The following SCUBE2 variants were observed in gnomAD, a reference collection of about 807,000 sequenced individuals.
The protein encoded by SCUBE2 is signal peptide, CUB domain and EGF like domain containing 2.
SCUBE2 carries 114 observed loss-of-function variants against 125.9 expected under a neutral mutation model. The observed-to-expected ratio is 0.91, with a 90% CI of 0.78 to 1.06. SCUBE2 has a LOEUF of 1.06. Ranked by LOEUF, SCUBE2 falls within the 50% of genes least tolerant of loss-of-function variation. The pLI is 0.00. For missense variants in SCUBE2, 1,255 were observed against 1,301.8 expected (o/e 0.96, Z 0.55); for synonymous variants, 459 against 492.9 (o/e 0.93, Z 0.91).
rs368975775 is a variant in SCUBE2 at position 9,089,789 on chromosome 11, G to A, written c.174C>T (p.Ala58=). Residue 58 remains alanine (A), a synonymous_variant, in exon 2 of 23, where the codon GCC becomes GCT. Coordinates refer to ENST00000649792, the MANE Select transcript of SCUBE2 (RefSeq NM_001367977.2). ...TGGGTGTGTTCTGACACAGGGCGTC[G>A]GCATGGCAGTCATCTAGCCCTTGGG... The part of the protein sequence containing the change: ...ECAQGLDDCH[A]DALCQNTPTS... 1.0e-4 allele frequency: 168 copies of A among 1,613,748 alleles called. 1 individual carries two copies. In the Middle Eastern group the frequency reaches 1.3e-3, roughly 13 times the overall value.
intron 7 of SCUBE2, 140 bp downstream of exon 7, chr11:9,065,750 CA>C (rs1860156077): frequency 1.5e-6 from 1 of 674,202 alleles, no homozygotes. Flanking sequence ...AGAACAGACA[CA>C]CACCCTGGTT....
At chr11:9,078,999 G>T (rs765105054) in intron 3 of SCUBE2, among the ~76,000 whole-genome samples, 1 of 152,106 alleles carries the variant, frequency 6.6e-6, no homozygotes, top group African/African-American at 2.4e-5. Flanking sequence ...TGTAACCCCA[G>T]CACACATTTG....
At chr11:9,087,823 C>A (rs1032758521) in intron 2 of SCUBE2, among the ~76,000 whole-genome samples, 10 of 152,298 alleles carry the variant, frequency 6.6e-5, no homozygotes, top group African/African-American at 2.4e-4. Flanking sequence ...TATGCTAAGA[C>A]AAGGAGATGG....
At chr11:9,027,166 C>T in intron 20 of SCUBE2, 198 bp downstream of exon 20, 1 of 598,850 alleles carries the variant, frequency 1.7e-6, no homozygotes, top group African/African-American at 1.9e-5. Context: ...GGATCACTAC[C>T]TCTGGGGCCC....
At chr11:9,055,034 T>C (rs1858942783) in intron 10 of SCUBE2, among the ~76,000 whole-genome samples, 1 of 152,080 alleles carries the variant, frequency 6.6e-6, no homozygotes, top group African/African-American at 2.4e-5. Flanking sequence ...ACGCCCAGCA[T>C]ATCCAATCTT....
intron 20 of SCUBE2, chr11:9,026,413 C>T (rs867781550): frequency 2.5e-4 from 37 of 148,148 alleles, no homozygotes; most frequent in African/African-American, 9.6e-4. Flanking sequence ...CTCCATGTGT[C>T]ATCATCATTC....
chr11:9,073,681 A>C (rs970542477), intron 4 of SCUBE2, among the ~76,000 whole-genome samples: 5 of 152,220 alleles, frequency 3.3e-5, no homozygotes, highest in African/African-American at 1.2e-4. Context: ...AAAAATAGGC[A>C]GATGCAACTC....
At chr11:9,048,859 C>T (rs1858060898) in intron 14 of SCUBE2, among the ~76,000 whole-genome samples, 1 of 152,172 alleles carries the variant, frequency 6.6e-6, no homozygotes. Context: ...TGAAGTATTG[C>T]CTGTATCAGA....
At chr11:9,050,931 G>A (rs952381911) in intron 13 of SCUBE2, among the ~76,000 whole-genome samples, 11 of 152,194 alleles carry the variant, frequency 7.2e-5, no homozygotes, top group Non-Finnish European at 1.2e-4. Context: ...CCCCTCATGT[G>A]AGAGGCAAAT....
rs1196349243 is a variant in SCUBE2, at chr11:9,045,602, GACAGACAGACACACACACACAC to G, written c.2002+1732_2002+1753del. Among the ~76,000 whole-genome samples the G allele has an allele frequency of 5.8e-4, 44 of 75,466 alleles. 2 individuals carry two copies. The East Asian group carries it at 7.3e-3, about 12-fold the overall frequency. 49.5% of individuals were successfully genotyped at this position (75,466 alleles called of 152,430 possible). On this transcript the variant is annotated intron_variant, in intron 16 of 22. Coordinates refer to ENST00000649792, the MANE Select transcript of SCUBE2 (RefSeq NM_001367977.2). ...TCAAATAGACCAGGACTAGAAGACA[GACAGACAGACACACACACACAC>G]ACACACACACACACACACACACACA...
chr11:9,054,725 A>ATTTTTTTTTT (rs1174774188), intron 10 of SCUBE2, among the ~76,000 whole-genome samples: 6 of 22,348 alleles, frequency 2.7e-4, no homozygotes, highest in East Asian at 3.2e-3. Context: ...ATATATATAT[A>ATTTTTTTTTT]TTTTTTTTTT....
chr11:9,069,257 C>T, intron 5 of SCUBE2, 113 bp downstream of exon 5: 1 of 1,412,734 alleles, frequency 7.1e-7, no homozygotes, highest in Non-Finnish European at 9.8e-7. Flanking sequence ...GTGCTAACTG[C>T]CTTCCCTGCT....
intron 4 of SCUBE2, 64 bp downstream of exon 4, chr11:9,074,417 T>C: frequency 6.3e-7 from 1 of 1,583,248 alleles, no homozygotes; most frequent in South Asian, 1.2e-5. Context: ...AGTGTGTGTG[T>C]GCGCGTGCAA....
Position 9,074,625 on chromosome 11 carries a change from G to A in SCUBE2, c.383-10C>T, listed in dbSNP as rs1861073076. On this transcript the variant is annotated splice_polypyrimidine_tract_variant and intron_variant, in intron 3 of 22. Coordinates refer to ENST00000649792, the MANE Select transcript of SCUBE2 (RefSeq NM_001367977.2). Reference sequence around the variant, plus strand: ...AGGCACTCGTCCACATCTGGAAGGAGAGAGGGATTAGCCTTTGCTTTGGTG... The same window carrying A: ...AGGCACTCGTCCACATCTGGAAGGAAAGAGGGATTAGCCTTTGCTTTGGTG... 6.2e-7 allele frequency: 1 copy of A among 1,614,030 alleles called. No individual in the cohort carries two copies. Among genetic ancestry groups the A allele is most frequent in the Admixed American group, 1.7e-5 (1 of 60,004 alleles).
chr11:9,061,110 G>A (rs894139713), intron 7 of SCUBE2, among the ~76,000 whole-genome samples: 3 of 152,232 alleles, frequency 2.0e-5, no homozygotes, highest in Non-Finnish European at 4.4e-5. Flanking sequence ...CAATGGAGAT[G>A]AGGAACAATA....
chr11:9,021,974 TG>T lies in SCUBE2; in HGVS notation c.2855-20del. ...TAGTCCTCTGTTGGAATAAAGAACA[TG>T]TTTTGCATTCTTATGATTTAGTTGC... On this transcript the variant is annotated intron_variant, in intron 21 of 22. Coordinates refer to ENST00000649792, the MANE Select transcript of SCUBE2 (RefSeq NM_001367977.2). 1.9e-6 allele frequency: 3 copies of T among 1,581,502 alleles called. No individual in the cohort carries two copies. The highest frequency in any genetic ancestry group is 2.6e-6 in the Non-Finnish European group (3 of 1,150,358).
At chr11:9,024,601 C>T (rs1311159356) in intron 21 of SCUBE2, among the ~76,000 whole-genome samples, 1 of 152,188 alleles carries the variant, frequency 6.6e-6, no homozygotes, top group Non-Finnish European at 1.5e-5. Flanking sequence ...CTTCTAGTCT[C>T]CTCTCTCACT....
At chr11:9,074,706 G>A in intron 3 of SCUBE2, 91 bp from the exon 4 acceptor site, 1 of 1,463,334 alleles carries the variant, frequency 6.8e-7, no homozygotes. Context: ...AAGCAAAGAT[G>A]AGGTTCCTCT....
intron 1 of SCUBE2, chr11:9,090,489 A>ATTTTTTTT (rs138136231): frequency 2.8e-5 from 4 of 141,974 alleles, no homozygotes; most frequent in South Asian, 2.2e-4. Flanking sequence ...TTATTTATTT[A>ATTTTTTTT]TTTTTTTTTT....
Sources: allele counts gnomAD v4.1 joint callset (sites outside exome capture counted in the v4.1 genomes callset), GRCh38; gene constraint gnomAD v4.1.1; transcripts MANE v1.5; gene names NCBI Gene and HGNC (gene_info 2026-07-23, HGNC 2026-07-21).